Variants in CRADD observed in about 807,000 individuals in gnomAD.
CRADD encodes death domain-containing protein CRADD.
Under a neutral mutation model 15.5 loss-of-function variants are expected in CRADD, and 9 were observed. That is an observed-to-expected ratio of 0.58 (90% CI 0.35 to 1.01). The LOEUF is 1.01. CRADD is among the 50% of genes least tolerant of loss of function. The pLI, the probability that CRADD is intolerant of heterozygous loss-of-function variation, is 0.02. For missense variants in CRADD, 227 were observed against 250.3 expected (o/e 0.91, Z 0.63); for synonymous variants, 118 against 107.6 (o/e 1.10, Z -0.60).
At chr12:93,716,282 C>T (rs547163151) in intron 2 of CRADD, among the ~76,000 whole-genome samples, 3 of 152,218 alleles carry the variant, frequency 2.0e-5, no homozygotes, top group South Asian at 2.1e-4. Flanking sequence ...TTGCTATATA[C>T]TCCCTTCCCC....
intron 2 of CRADD, 89 bp from the exon 3 acceptor site, chr12:93,849,881 C>T: frequency 1.2e-6 from 1 of 803,448 alleles, no homozygotes; most frequent in East Asian, 2.5e-5. Context: ...GGAAGCATTG[C>T]CTTCTTCTCC....
intron 2 of CRADD, among the ~76,000 whole-genome samples, chr12:93,821,089 A>G (rs1230482302): frequency 1.3e-5 from 2 of 152,244 alleles, no homozygotes; most frequent in African/African-American, 4.8e-5. Flanking sequence ...AATCGTTTTA[A>G]TTAGTTGACA....
At chr12:93,893,584 A>G (rs1011168855) in intron 2 of CRADD, among the ~76,000 whole-genome samples, 12 of 152,194 alleles carry the variant, frequency 7.9e-5, no homozygotes, top group Admixed American at 6.5e-5. Context: ...ACTCGGCTAA[A>G]TTCTTCAAAG....
intron 2 of CRADD, among the ~76,000 whole-genome samples, chr12:93,844,499 C>A (rs1034667420): frequency 6.6e-6 from 1 of 152,166 alleles, no homozygotes; most frequent in African/African-American, 2.4e-5. Flanking sequence ...TTTGCTCCGG[C>A]CTGTGTCCAC....
rs140096364 is a variant in CRADD at position 93,860,780 on chromosome 12, T to C, written c.299-33270T>C. 1.2e-3 allele frequency among the ~76,000 whole-genome samples: 181 copies of C among 152,296 alleles called. 2 individuals carry two copies. The highest frequency in any genetic ancestry group is 4.1e-3 in the African/African-American group (172 of 41,562). On this transcript the variant is annotated intron_variant, in intron 2 of 2. Transcript: ENST00000548483. ...CTAAGCAAATGGAAAACCAACTCAA[T>C]GTAAACAGTAAAATGAAACCAGCGT...
chr12:93,874,556 A>G (rs1958445906), intron 2 of CRADD, among the ~76,000 whole-genome samples: 1 of 151,476 alleles, frequency 6.6e-6, no homozygotes, highest in Non-Finnish European at 1.5e-5. Flanking sequence ...CTCTTTTTTG[A>G]TGTAAGCACT....
intron 2 of CRADD, among the ~76,000 whole-genome samples, chr12:93,721,711 T>C (rs1023425724): frequency 5.9e-5 from 9 of 152,192 alleles, no homozygotes; most frequent in Admixed American, 2.6e-4. Flanking sequence ...AAGCAAATAA[T>C]GCATCATTTT....
At chr12:93,804,934 C>CTA (rs963591603) in intron 2 of CRADD, among the ~76,000 whole-genome samples, 93 of 152,094 alleles carry the variant, frequency 6.1e-4, no homozygotes, top group African/African-American at 2.2e-3. Flanking sequence ...ATAATACCTG[C>CTA]TATACAAAGG....
intron 2 of CRADD, among the ~76,000 whole-genome samples, chr12:93,764,413 G>A (rs1000247501): frequency 2.6e-5 from 4 of 152,032 alleles, no homozygotes; most frequent in Non-Finnish European, 4.4e-5. Flanking sequence ...GGACTTTAGG[G>A]TAACTTCAAC....
chr12:93,775,589 G>T (rs1277000476), intron 2 of CRADD, among the ~76,000 whole-genome samples: 1 of 151,978 alleles, frequency 6.6e-6, no homozygotes, highest in Non-Finnish European at 1.5e-5. Context: ...GGGATCGAAT[G>T]GAAGTTTTAT....
rs150059138 is a variant in CRADD, at chr12:93,678,817, G to A, written c.43G>A (p.Glu15Lys). ...ACAAGTACTCCGCTCACTTCGCCTG[G>A]AGCTGGGTGCAGAGGTATTGGTGGA... ...DKQVLRSLRL[E>K]LGAEVLVEGL... The change falls in exon 2 of 3, where the codon GAG becomes AAG. Residue 15 changes from glutamate to lysine, a missense_variant. By Grantham distance (56) the Glu-to-Lys change is moderately conservative (BLOSUM62 1). Transcript: ENST00000332896. The A allele has an allele frequency of 1.7e-5, 27 of 1,614,152 alleles. No homozygotes were observed. In the African/African-American group the frequency reaches 3.6e-4, roughly 22 times the overall value.
At chr12:93,822,958 T>G (rs561951787) in intron 2 of CRADD, among the ~76,000 whole-genome samples, 4 of 152,326 alleles carry the variant, frequency 2.6e-5, no homozygotes, top group Admixed American at 1.3e-4. Context: ...AGCAGACTAA[T>G]GAACATGATG....
chr12:93,793,266 G>A (rs942707155), intron 2 of CRADD, among the ~76,000 whole-genome samples: 3 of 152,124 alleles, frequency 2.0e-5, no homozygotes, highest in African/African-American at 7.2e-5. Context: ...CTCTAGAAAT[G>A]TACTACTTTT....
intron 2 of CRADD, among the ~76,000 whole-genome samples, chr12:93,737,540 G>A (rs1450088599): frequency 2.0e-5 from 3 of 152,220 alleles, no homozygotes; most frequent in African/African-American, 7.2e-5. Flanking sequence ...TCTGTTGTAT[G>A]GAACTCTGCT....
At chr12:93,817,610 T>C (rs1356312741) in intron 2 of CRADD, among the ~76,000 whole-genome samples, 3 of 152,038 alleles carry the variant, frequency 2.0e-5, no homozygotes, top group Non-Finnish European at 4.4e-5. Flanking sequence ...TCATGACATA[T>C]TTTTCCCTTT....
intron 2 of CRADD, among the ~76,000 whole-genome samples, chr12:93,753,177 G>T (rs187718997): frequency 2.8e-3 from 432 of 151,984 alleles, no homozygotes; most frequent in Non-Finnish European, 4.3e-3. Flanking sequence ...GTGTGTAGGT[G>T]AACTACCCTT....
chr12:93,850,851 GAATT>G (rs1324293040), downstream of CRADD: 1 of 508,824 alleles, frequency 2.0e-6, no homozygotes. This position sits in a 1 kb window ranked among gnomAD's most constrained non-coding sequence, Gnocchi z 4.0. Context: ...TTTTGGAACA[GAATT>G]AATAGTAACA....
intron 2 of CRADD, among the ~76,000 whole-genome samples, chr12:93,868,993 C>A (rs1359200682): frequency 1.3e-5 from 2 of 152,114 alleles, no homozygotes; most frequent in African/African-American, 4.8e-5. Context: ...GGCAAGACTC[C>A]AAAGAGCATA....
intron 2 of CRADD, chr12:93,733,769 C>G (rs1188609549): frequency 1.3e-5 from 2 of 150,268 alleles, no homozygotes; most frequent in African/African-American, 4.9e-5. Flanking sequence ...GGCAGCATCT[C>G]ACTCTGTCAC....
Sources: allele counts gnomAD v4.1 joint callset (sites outside exome capture counted in the v4.1 genomes callset), GRCh38; gene constraint gnomAD v4.1.1; non-coding constraint Gnocchi (gnomAD v3.1); transcripts MANE v1.5; gene names NCBI Gene and HGNC (gene_info 2026-07-23, HGNC 2026-07-21).